The following ASPH variants were observed in gnomAD, a reference collection of about 807,000 sequenced individuals.
The protein encoded by ASPH is aspartate beta-hydroxylase.
In ASPH, 100 loss-of-function variants were observed where a neutral mutation model predicts 118.4. The ratio of observed to expected loss-of-function variants is 0.84; its 90% CI spans 0.72 to 1.00. The LOEUF is 1.00. Among genes scored for constraint, ASPH ranks in the 50% least tolerant of loss-of-function variants. ASPH has a pLI of 0.00. For synonymous variants in ASPH, 315 were observed against 325.6 expected (o/e 0.97, Z 0.35); for missense variants, 920 against 919.5 (o/e 1.00, Z -0.01).
intron 3 of ASPH, among the ~76,000 whole-genome samples, chr8:61,669,910 TATAAAA>T (rs1821556559): frequency 6.6e-6 from 1 of 152,174 alleles, no homozygotes; most frequent in Non-Finnish European, 1.5e-5. Context: ...TAGTGAAACA[TATAAAA>T]ATAAACAGTG....
chr8:61,526,210 C>T, intron 21 of ASPH, 98 bp from the exon 22 acceptor site: 1 of 1,479,496 alleles, frequency 6.8e-7, no homozygotes. Flanking sequence ...CAGAAAGGAA[C>T]TAATTCTTTG....
At chr8:61,581,844 C>T (rs1346671825) in intron 15 of ASPH, among the ~76,000 whole-genome samples, 1 of 152,050 alleles carries the variant, frequency 6.6e-6, no homozygotes, top group Non-Finnish European at 1.5e-5. Flanking sequence ...AACCCTTTTT[C>T]CAGAGGTAGG....
intron 14 of ASPH, among the ~76,000 whole-genome samples, chr8:61,596,815 G>A (rs1842626957): frequency 6.6e-6 from 1 of 152,142 alleles, no homozygotes. Context: ...GATATCAAAG[G>A]TAAGGACAAA....
intron 3 of ASPH, among the ~76,000 whole-genome samples, chr8:61,666,971 C>T (rs938307392): frequency 6.6e-6 from 1 of 151,974 alleles, no homozygotes; most frequent in Non-Finnish European, 1.5e-5. Flanking sequence ...TTTTATTGTC[C>T]ATTTGTTTCA....
intron 24 of ASPH, among the ~76,000 whole-genome samples, chr8:61,513,384 T>C (rs1304900766): frequency 2.0e-5 from 3 of 152,234 alleles, no homozygotes; most frequent in Non-Finnish European, 2.9e-5. Flanking sequence ...AATTGACCCA[T>C]TTCTCTTATG....
At chr8:61,611,236 G>A (rs1165607533) in intron 14 of ASPH, among the ~76,000 whole-genome samples, 3 of 152,188 alleles carry the variant, frequency 2.0e-5, no homozygotes, top group African/African-American at 4.8e-5. Context: ...AACATTTATT[G>A]TATTTCCCAA....
chr8:61,511,436 C>A (rs2129614537), intron 24 of ASPH, among the ~76,000 whole-genome samples: 1 of 152,274 alleles, frequency 6.6e-6, no homozygotes, highest in East Asian at 1.9e-4. Context: ...ACAGTTCCAG[C>A]ACATTGTGGA....
chr8:61,637,208 C>T (rs929111473), intron 12 of ASPH, among the ~76,000 whole-genome samples: 3 of 152,094 alleles, frequency 2.0e-5, no homozygotes, highest in Non-Finnish European at 2.9e-5. Context: ...TTCCCTCACA[C>T]CTTCACACCC....
chr8:61,568,624 G>C (rs1435637138), intron 16 of ASPH, among the ~76,000 whole-genome samples: 1 of 152,206 alleles, frequency 6.6e-6, no homozygotes, highest in Non-Finnish European at 1.5e-5. Context: ...GAGAAGTTAA[G>C]TGTGGGAATC....
intron 19 of ASPH, among the ~76,000 whole-genome samples, chr8:61,554,728 G>GT (rs1031997507): frequency 4.6e-5 from 7 of 151,824 alleles, no homozygotes; most frequent in Non-Finnish European, 8.8e-5. Flanking sequence ...TTGTTTGTTT[G>GT]TTTTTTTAAT....
In ASPH at chr8:61,709,323, C is replaced by T. The variant is rs576824318; in HGVS notation, c.103+4946G>A. Among the ~76,000 whole-genome samples the T allele has an allele frequency of 4.3e-4, 65 of 152,108 alleles. 1 individual carries two copies. The Middle Eastern group carries it at 0.01, about 24-fold the overall frequency. On this transcript the variant is annotated intron_variant, in intron 1 of 24. Transcript: ENST00000379454. ...AATACCATCTTGGCTCCCAGCAGTA[C>T]CAGAAGAAAGTATAATTAAAAAAAA... is the stretch of plus-strand genomic sequence containing the variant.
rs1376097349 is a variant in ASPH, at chr8:61,562,895, A to G, written c.1301-15T>C. On this transcript the variant is annotated splice_polypyrimidine_tract_variant and intron_variant, in intron 17 of 24. Transcript: ENST00000379454. ...TCTCATATGACCTGAGTAGGTGGGA[A>G]TTTAAAAAAAATAGAAATAAAAACA... 6.4e-7 allele frequency: 1 copy of G among 1,559,586 alleles called. No homozygotes were observed. The highest frequency in any genetic ancestry group is 1.4e-5 in the African/African-American group (1 of 71,744).
chr8:61,567,404 G>A (rs1832067299), intron 16 of ASPH, 86 bp from the exon 17 acceptor site: 7 of 1,379,968 alleles, frequency 5.1e-6, no homozygotes, highest in East Asian at 5.0e-5. Context: ...GTTAACTTTT[G>A]GACATGCTTT....
At chr8:61,601,226 T>C (rs1214716172) in intron 14 of ASPH, among the ~76,000 whole-genome samples, 2 of 150,944 alleles carry the variant, frequency 1.3e-5, no homozygotes, top group African/African-American at 2.5e-5. Context: ...ATTTGAACAG[T>C]GGTATGAAGC....
At chr8:61,652,681 T>C (rs1305760784) in intron 4 of ASPH, among the ~76,000 whole-genome samples, 4 of 152,088 alleles carry the variant, frequency 2.6e-5, no homozygotes, top group Admixed American at 1.3e-4. Flanking sequence ...AAATTTGAGG[T>C]GCTAAATCCA....
chr8:61,662,683 GGGAAA>G (rs1817531358), intron 3 of ASPH: 1 of 250,526 alleles, frequency 4.0e-6, no homozygotes. Context: ...AAAAGAGAAG[GGGAAA>G]AGAAGAGAGA....
chr8:61,682,917 G>A (rs969081761), intron 2 of ASPH, among the ~76,000 whole-genome samples: 8 of 152,038 alleles, frequency 5.3e-5, no homozygotes, highest in Non-Finnish European at 1.2e-4. Flanking sequence ...GATTACTAAA[G>A]AGGAGGACCA....
chr8:61,513,277 C>T (rs911700244), intron 24 of ASPH, among the ~76,000 whole-genome samples: 2 of 152,188 alleles, frequency 1.3e-5, no homozygotes, highest in African/African-American at 4.8e-5. Context: ...CACAGAACTT[C>T]CAGATTTCAT....
chr8:61,663,227 C>T (rs1470466825), intron 3 of ASPH: 3 of 985,224 alleles, frequency 3.0e-6, no homozygotes, highest in African/African-American at 3.5e-5. Flanking sequence ...AGAAGCCCTA[C>T]ATTTGATGAA....
Sources: allele counts gnomAD v4.1 joint callset (sites outside exome capture counted in the v4.1 genomes callset), GRCh38; gene constraint gnomAD v4.1.1; transcripts MANE v1.5; gene names NCBI Gene and HGNC (gene_info 2026-07-23, HGNC 2026-07-21).